The following SCN11A variants were observed in gnomAD, a reference collection of about 807,000 sequenced individuals.
The protein encoded by SCN11A is sodium voltage-gated channel alpha subunit 11, also known as sodium channel protein type 11 subunit alpha.
In SCN11A, 122 loss-of-function variants were observed where a neutral mutation model predicts 162.2. That is an observed-to-expected ratio of 0.75 (90% CI 0.65 to 0.87). The LOEUF (loss-of-function observed/expected upper bound fraction) is 0.87, where lower values mean the gene tolerates loss of function less well. SCN11A is among the 40% of genes least tolerant of loss of function. The pLI is 0.00. For missense variants in SCN11A, 2,015 were observed against 2,181.6 expected (o/e 0.92, Z 1.52); for synonymous variants, 758 against 751.5 (o/e 1.01, Z -0.14).
chr3:39,032,274 G>A (rs995753813), intron 2 of SCN11A, among the ~76,000 whole-genome samples, 106 bp downstream of exon 2: 1 of 152,100 alleles, frequency 6.6e-6, no homozygotes, highest in Non-Finnish European at 1.5e-5. Context: ...ATCACTAACA[G>A]ACAGTGGTGG....
At chr3:38,959,624 G>A (rs1386305210) in intron 3 of SCN11A, among the ~76,000 whole-genome samples, 1 of 152,180 alleles carries the variant, frequency 6.6e-6, no homozygotes, top group Non-Finnish European at 1.5e-5. Flanking sequence ...AAGTCAGACA[G>A]CTTAATGGTA....
In SCN11A at chr3:38,908,873, G is replaced by C. The variant is rs1008149452; in HGVS notation, c.1299+124C>G. ...TCGAGGGACTTATATTCTCAGAAAA[G>C]CACCAGTAGAGAAAGCACTGAGACC... On this transcript the variant is annotated intron_variant, in intron 13 of 29. Coordinates refer to ENST00000302328, the MANE Select transcript of SCN11A (RefSeq NM_001349253.2). 8 of 768,058 alleles carry C rather than the reference G, an allele frequency of 1.0e-5. No homozygotes were observed. The Middle Eastern group carries it at 1.2e-3, about 112-fold the overall frequency. 47.6% of individuals were successfully genotyped at this position (768,058 alleles called of 1,614,324 possible). A position where few individuals can be genotyped will look rare whatever the true frequency, so the allele number is the denominator to read the frequency against.
At chr3:38,965,126 T>C (rs1165303087) in intron 2 of SCN11A, among the ~76,000 whole-genome samples, 1 of 152,184 alleles carries the variant, frequency 6.6e-6, no homozygotes, top group Non-Finnish European at 1.5e-5. Flanking sequence ...TAGGAAGCAC[T>C]TCCTCCAGGG....
intron 2 of SCN11A, among the ~76,000 whole-genome samples, chr3:38,975,463 A>G (rs889216279): frequency 6.6e-6 from 1 of 152,338 alleles, no homozygotes; most frequent in East Asian, 1.9e-4. Context: ...AGTTGAGAGA[A>G]GTTAACAAGA....
At chr3:38,856,880 T>C (rs746045096) in intron 28 of SCN11A, among the ~76,000 whole-genome samples, 4 of 152,098 alleles carry the variant, frequency 2.6e-5, no homozygotes, top group Non-Finnish European at 5.9e-5. Flanking sequence ...CAATGACTCT[T>C]TATAACTAAG....
At chr3:39,008,018 C>T (rs1195970756) in intron 2 of SCN11A, among the ~76,000 whole-genome samples, 3 of 152,068 alleles carry the variant, frequency 2.0e-5, no homozygotes, top group Admixed American at 2.0e-4. Context: ...GTAGGACACC[C>T]AGTTGGTGTC....
At chr3:38,972,735 C>T (rs919333561) in intron 2 of SCN11A, among the ~76,000 whole-genome samples, 2 of 151,994 alleles carry the variant, frequency 1.3e-5, no homozygotes, top group Non-Finnish European at 2.9e-5. Flanking sequence ...TTTCTGCCTT[C>T]ACTTACTTGG....
chr3:38,880,485 G>C (rs543987493), intron 22 of SCN11A, among the ~76,000 whole-genome samples: 1 of 152,218 alleles, frequency 6.6e-6, no homozygotes, highest in African/African-American at 2.4e-5. Flanking sequence ...CCACCCAGTG[G>C]CATAGACCAT....
intron 15 of SCN11A, among the ~76,000 whole-genome samples, chr3:38,904,628 C>A (rs904839023): frequency 6.6e-6 from 1 of 152,106 alleles, no homozygotes; most frequent in Non-Finnish European, 1.5e-5. Context: ...CGAGATGATG[C>A]AGTAGGCTTA....
At chr3:38,911,809 TTTTTG>T (rs2065890855) in intron 11 of SCN11A, among the ~76,000 whole-genome samples, 1 of 152,220 alleles carries the variant, frequency 6.6e-6, no homozygotes, top group African/African-American at 2.4e-5. Context: ...AACAAGCTGC[TTTTTG>T]TTTTATGTAT....
chr3:38,863,298 A>G lies in SCN11A; in HGVS notation c.3953T>C (p.Leu1318Ser). ...IDNFNQQQKK[L>S]GGQDIFMTEE... ...TGTCATAAAAATGTCTTGGCCACCT[A>G]AGTATATGGAGAAGATAAGAGCTAA... Residue 1318 changes from leucine (L) to serine (S), a missense_variant and splice_region_variant, in exon 28 of 30, where the codon TTA becomes TCA. Leu to Ser is a moderately radical substitution (Grantham distance 145, BLOSUM62 -2). Coordinates refer to ENST00000302328, the MANE Select transcript of SCN11A (RefSeq NM_001349253.2). The G allele has an allele frequency of 6.6e-7, 1 of 1,504,532 alleles. No individual in the cohort carries two copies. Among genetic ancestry groups the G allele is most frequent in the Non-Finnish European group, 9.2e-7 (1 of 1,082,882 alleles). 93.2% of individuals were successfully genotyped at this position (1,504,532 alleles called of 1,614,324 possible).
intron 7 of SCN11A, among the ~76,000 whole-genome samples, chr3:38,940,742 C>A (rs1470702653): frequency 4.6e-5 from 7 of 152,100 alleles, no homozygotes; most frequent in African/African-American, 1.7e-4. Context: ...CCTTTTATAA[C>A]TCAAGGCTAG....
At chr3:38,929,131 GCA>G (rs1553641802) in intron 7 of SCN11A, among the ~76,000 whole-genome samples, 87 of 37,062 alleles carry the variant, frequency 2.3e-3, no homozygotes, top group Admixed American at 5.7e-3. Flanking sequence ...CTGGGTCTGT[GCA>G]CGCACACACA....
Position 38,863,246 on chromosome 3 carries a change from T to G in SCN11A, c.4005A>C (p.Ala1335=). The part of the protein sequence containing the change: ...MTEEQKKYYN[A]MKKLGSKKPQ... The stretch of plus-strand genomic sequence containing the variant: ...GTTTTTTGGATCCTAATTTTTTCAT[T>G]GCATTATAGTATTTCTTCTGTTCTT... The change falls in exon 28 of 30, where the codon GCA becomes GCC. Residue 1335 remains alanine, a synonymous_variant. Transcript: ENST00000302328. 2 of 1,609,284 alleles carry G rather than the reference T, an allele frequency of 1.2e-6. No homozygotes were observed. The highest frequency in any genetic ancestry group is 1.7e-6 in the Non-Finnish European group (2 of 1,175,976).
intron 28 of SCN11A, among the ~76,000 whole-genome samples, chr3:38,856,801 G>A (rs1327736934): frequency 6.6e-6 from 1 of 152,148 alleles, no homozygotes; most frequent in Non-Finnish European, 1.5e-5. Flanking sequence ...CAACTCCATA[G>A]GAGACAGTGA....
intron 28 of SCN11A, among the ~76,000 whole-genome samples, chr3:38,851,078 C>T (rs965908704): frequency 6.6e-6 from 1 of 152,146 alleles, no homozygotes. Flanking sequence ...TAAAACAGTG[C>T]ATGTTGGATT....
chr3:38,929,986 C>T (rs938113934), intron 7 of SCN11A, among the ~76,000 whole-genome samples: 14 of 152,132 alleles, frequency 9.2e-5, no homozygotes, highest in Admixed American at 6.5e-4. Context: ...GTTATCACAA[C>T]ATAAAATTGA....
intron 2 of SCN11A, among the ~76,000 whole-genome samples, chr3:38,967,070 A>G (rs573435734): frequency 6.6e-6 from 1 of 152,312 alleles, no homozygotes; most frequent in Admixed American, 6.5e-5. Context: ...GCCTCTCTAG[A>G]GACTGTCTGA....
At chr3:39,045,501 A>G (rs761277060) in intron 1 of SCN11A, among the ~76,000 whole-genome samples, 5 of 152,258 alleles carry the variant, frequency 3.3e-5, no homozygotes, top group African/African-American at 4.8e-5. Flanking sequence ...GCAAATCAAT[A>G]AACAAAAGAT....
Sources: allele counts gnomAD v4.1 joint callset (sites outside exome capture counted in the v4.1 genomes callset), GRCh38; gene constraint gnomAD v4.1.1; transcripts MANE v1.5; gene names NCBI Gene and HGNC (gene_info 2026-07-23, HGNC 2026-07-21).